The following ADCY7 variants were observed in gnomAD, a reference collection of about 807,000 sequenced individuals.
The protein encoded by ADCY7 is adenylate cyclase 7.
In ADCY7, 72 loss-of-function variants were observed where a neutral mutation model predicts 120.6. The ratio of observed to expected loss-of-function variants is 0.60; its 90% CI spans 0.49 to 0.73. ADCY7 has a LOEUF of 0.73. Ranked by LOEUF, ADCY7 falls within the 30% of genes least tolerant of loss-of-function variation. ADCY7 has a pLI of 0.00. For synonymous variants in ADCY7, 661 were observed against 628.0 expected (o/e 1.05, Z -0.78); for missense variants, 1,227 against 1,486.0 (o/e 0.83, Z 2.87).
chr16:50,309,526 TG>T, intron 17 of ADCY7, 21 bp from the exon 18 acceptor site: 1 of 1,608,274 alleles, frequency 6.2e-7, no homozygotes, highest in Non-Finnish European at 8.5e-7. Context: ...CCTGGACTGA[TG>T]GGGACCTGTC....
At position 50,309,641 on chromosome 16, in the gene ADCY7, C is replaced by T; in HGVS notation, c.2155C>T (p.Leu719Phe). The part of the protein sequence containing the change: ...SSKTRALCEP[L>F]PYYTCSCVLG... ...CAAGACAAGAGCCCTGTGTGAGCCC[C>T]TCCCGGTGAGTGCGCCGGGCCCGGC... is the stretch of plus-strand genomic sequence containing the variant. Residue 719 changes from leucine to phenylalanine, a missense_variant, in exon 18 of 26, where the codon CTC (leucine) becomes TTC (phenylalanine). Transcript: ENST00000673801. 6.2e-7 allele frequency: 1 copy of T among 1,609,546 alleles called. No individual in the cohort carries two copies. Among genetic ancestry groups the T allele is most frequent in the Non-Finnish European group, 8.5e-7 (1 of 1,179,956 alleles).
intron 10 of ADCY7, among the ~76,000 whole-genome samples, chr16:50,302,314 C>A (rs542592227): frequency 2.0e-5 from 3 of 152,222 alleles, no homozygotes; most frequent in Non-Finnish European, 2.9e-5. Flanking sequence ...TGCAGCCCCC[C>A]ACCCCGTGCT....
At chr16:50,252,105 C>T (rs918832282) in intron 1 of ADCY7, among the ~76,000 whole-genome samples, 3 of 152,066 alleles carry the variant, frequency 2.0e-5, no homozygotes, top group East Asian at 1.9e-4. Flanking sequence ...GCCTTGAGGA[C>T]GGTGCAGGAG....
rs745783035 is a variant in ADCY7 at position 50,311,753 on chromosome 16, G to C, written c.2415G>C (p.Leu805=). The C allele has an allele frequency of 6.5e-7, 1 of 1,529,532 alleles. No homozygotes were observed. The highest frequency in any genetic ancestry group is 1.8e-5 in the Admixed American group (1 of 55,034). 94.7% of individuals were successfully genotyped at this position (1,529,532 alleles called of 1,614,324 possible). ...CCATGACCAATTTCTACCTGGTCCT[G>C]TTCTACATCACCCTGCTTACACTCT... The part of the protein sequence containing the change: ...LKTMTNFYLV[L]FYITLLTLSR... The change falls in exon 20 of 26, where the codon CTG becomes CTC. Residue 805 remains leucine, a synonymous_variant. Coordinates refer to ENST00000673801, the MANE Select transcript of ADCY7 (RefSeq NM_001114.5).
chr16:50,314,906 GT>G lies in ADCY7; in HGVS notation c.2972-104del, dbSNP rs1555526859. The G allele has an allele frequency of 5.0e-5, 69 of 1,367,908 alleles. 1 individual carries two copies. In the South Asian group the frequency reaches 9.5e-4, roughly 19 times the overall value. 84.7% of individuals were successfully genotyped at this position (1,367,908 alleles called of 1,614,324 possible). A position where few individuals can be genotyped will look rare whatever the true frequency, so the allele number is the denominator to read the frequency against. ...AAGCAACCCAGCCTTCACTCTAGTT[GT>G]TTTGTCCCCGCATCCTGTGCTGGGG... is the stretch of plus-strand genomic sequence containing the variant. On this transcript the variant is annotated intron_variant, in intron 24 of 25. Transcript: ENST00000673801.
intron 1 of ADCY7, among the ~76,000 whole-genome samples, chr16:50,246,452 T>G (rs543200245): frequency 7.2e-5 from 11 of 152,032 alleles, no homozygotes; most frequent in African/African-American, 2.4e-4. Flanking sequence ...AGGAGACGCT[T>G]CCCAGACGCT....
At chr16:50,248,818 A>G (rs2032667364) in intron 1 of ADCY7, among the ~76,000 whole-genome samples, 1 of 152,214 alleles carries the variant, frequency 6.6e-6, no homozygotes, top group South Asian at 2.1e-4. Context: ...GTGAGGTTCC[A>G]GGATTTTGAG....
chr16:50,299,889 G>A (rs965679609), intron 8 of ADCY7, among the ~76,000 whole-genome samples: 4 of 152,076 alleles, frequency 2.6e-5, no homozygotes, highest in Admixed American at 6.6e-5. Context: ...TGTCTTGGGC[G>A]TCCCCTGTGC....
intron 22 of ADCY7, chr16:50,313,369 A>T: frequency 3.5e-6 from 1 of 282,230 alleles, no homozygotes. Flanking sequence ...GTGAGCTGGG[A>T]TCACGCCACT....
intron 1 of ADCY7, among the ~76,000 whole-genome samples, chr16:50,272,702 CCCT>C (rs1234888636): frequency 2.6e-5 from 4 of 152,108 alleles, no homozygotes; most frequent in Non-Finnish European, 5.9e-5. Context: ...GTCTGGGTCT[CCCT>C]CCTCCTGGGC....
At chr16:50,305,089 C>A in intron 12 of ADCY7, 130 bp downstream of exon 12, 1 of 1,214,548 alleles carries the variant, frequency 8.2e-7, no homozygotes, top group Non-Finnish European at 1.2e-6. Flanking sequence ...TTGGCCAGGG[C>A]TTGGGTCAAA....
rs771874224 is a variant in ADCY7, at chr16:50,310,695, C to T, written c.2169C>T (p.Thr723=). ...ACACCCTGCCCCCTCAGTACTACAC[C>T]TGCAGCTGTGTCCTGGGCTTCATCG... ...RALCEPLPYY[T]CSCVLGFIAC... The change falls in exon 19 of 26, where the codon ACC becomes ACT. Residue 723 remains threonine (T), a synonymous_variant. Coordinates refer to ENST00000673801, the MANE Select transcript of ADCY7 (RefSeq NM_001114.5). 2 of 1,613,830 alleles carry T rather than the reference C, an allele frequency of 1.2e-6. No individual in the cohort carries two copies. The highest frequency in any genetic ancestry group is 1.1e-5 in the South Asian group (1 of 91,042).
chr16:50,257,484 A>G (rs1168758051), intron 1 of ADCY7, among the ~76,000 whole-genome samples: 1 of 152,216 alleles, frequency 6.6e-6, no homozygotes, highest in Non-Finnish European at 1.5e-5. Flanking sequence ...AAACAGTGCT[A>G]AATACTTGAG....
chr16:50,269,393 G>A (rs1036213385), intron 1 of ADCY7, among the ~76,000 whole-genome samples: 4 of 152,234 alleles, frequency 2.6e-5, no homozygotes, highest in Non-Finnish European at 5.9e-5. Flanking sequence ...GGATTCGTGG[G>A]GGTGGTCCTT....
intron 2 of ADCY7, chr16:50,289,377 T>C (rs2150952498): frequency 2.3e-6 from 1 of 429,098 alleles, no homozygotes; most frequent in Admixed American, 2.7e-5. Context: ...TGGCACCACC[T>C]ATGTCATTTC....
At chr16:50,310,173 C>T (rs930744548) in intron 18 of ADCY7, among the ~76,000 whole-genome samples, 1 of 152,046 alleles carries the variant, frequency 6.6e-6, no homozygotes, top group Admixed American at 6.5e-5. Flanking sequence ...AAAGCCGAGG[C>T]GTGTGTTGGG....
At position 50,312,046 on chromosome 16, in the gene ADCY7, A is replaced by C. The variant is rs1487832491; in HGVS notation, c.2459A>C (p.Tyr820Ser). The C allele has an allele frequency of 6.2e-7, 1 of 1,614,146 alleles. No individual in the cohort carries two copies. Among genetic ancestry groups the C allele is most frequent in the East Asian group, 2.2e-5 (1 of 44,880 alleles). The change falls in exon 21 of 26, where the codon TAC (tyrosine) becomes TCC (serine). Residue 820 changes from tyrosine (Y) to serine (S), a missense_variant. By Grantham distance (144) the Tyr-to-Ser change is moderately radical. Around this residue, in one of 5 missense-constraint regions of ADCY7, gnomAD observed 267 missense variants for 270.0 expected, o/e 0.99. Coordinates refer to ENST00000673801, the MANE Select transcript of ADCY7 (RefSeq NM_001114.5). ...TGCTGCCGTTTGCAGATTGACTATTACTGCCGCTTGGACTGCCTATGGAAG... is the reference window on the plus strand; with the variant it reads ...TGCTGCCGTTTGCAGATTGACTATTCCTGCCGCTTGGACTGCCTATGGAAG... ...LLTLSRQIDY[Y>S]CRLDCLWKKK...
chr16:50,299,178 G>A (rs920243082), intron 8 of ADCY7, 147 bp downstream of exon 8: 11 of 1,073,570 alleles, frequency 1.0e-5, no homozygotes, highest in Non-Finnish European at 1.4e-5. Context: ...GGACCACCCA[G>A]CCTGCTGGAG....
At chr16:50,249,748 G>C (rs2032698541) in intron 1 of ADCY7, among the ~76,000 whole-genome samples, 1 of 152,228 alleles carries the variant, frequency 6.6e-6, no homozygotes, top group Non-Finnish European at 1.5e-5. Flanking sequence ...TGGCTATGTG[G>C]GGCCCTGCTG....
Sources: gnomAD v4.1 joint callset for allele counts (sites outside exome capture counted in the v4.1 genomes callset) on GRCh38, gnomAD v4.1.1 for gene constraint, gnomAD v4.1.1 regional missense constraint, MANE v1.5 for transcripts, NCBI Gene and HGNC (gene_info 2026-07-23, HGNC 2026-07-21) for gene names.